CATSPER2: variants seen among roughly 807,000 people sequenced by gnomAD.
CATSPER2 encodes the protein cation channel sperm-associated protein 2.
In CATSPER2, 56 loss-of-function variants were observed where a neutral mutation model predicts 68.8. The observed-to-expected ratio is 0.81, with a 90% confidence interval of 0.66 to 1.02. The LOEUF is 1.02. Ranked by LOEUF, CATSPER2 falls within the 50% of genes least tolerant of loss-of-function variation. The probability of loss-of-function intolerance (pLI) is 0.00; values close to 1 mark genes in which losing one functional copy is unlikely to be tolerated. For synonymous variants in CATSPER2, 198 were observed against 229.9 expected (o/e 0.86, Z 1.26); for missense variants, 582 against 642.0 (o/e 0.91, Z 1.01).
At chr15:43,647,676 C>T (rs150472988) in intron 2 of CATSPER2, among the ~76,000 whole-genome samples, 58 of 152,030 alleles carry the variant, frequency 3.8e-4, no homozygotes, top group African/African-American at 1.2e-3. Context: ...AAGCAGCAGG[C>T]TCACTCTCAA....
rs1047098503 is a variant in CATSPER2 at position 43,638,955 on chromosome 15, G to A, written c.791C>T (p.Ser264Leu). ...CTGACGAGGTGAACGGGTGTACTCT[G>A]AGAAGACGTAGACACCAGTCACAGC... is the stretch of plus-strand genomic sequence containing the variant. ...IFAVTGVYVFSEYTRSPRQDL... is the reference protein window; with the variant it reads ...IFAVTGVYVFLEYTRSPRQDL... Residue 264 changes from serine to leucine, a missense_variant, in exon 7 of 13, where the codon TCA (serine) becomes TTA (leucine). Transcript: ENST00000396879. 1.2e-5 allele frequency: 19 copies of A among 1,613,206 alleles called. No individual in the cohort carries two copies. The highest frequency in any genetic ancestry group is 1.5e-5 in the Non-Finnish European group (18 of 1,179,534).
intron 7 of CATSPER2, among the ~76,000 whole-genome samples, chr15:43,638,637 G>A (rs564325149): frequency 6.6e-6 from 1 of 151,856 alleles, no homozygotes; most frequent in Admixed American, 6.6e-5. Context: ...CTTAACCACT[G>A]GAGTGTACTG....
At chr15:43,637,130 C>A (rs1263050621) in intron 7 of CATSPER2, among the ~76,000 whole-genome samples, 3 of 151,844 alleles carry the variant, frequency 2.0e-5, no homozygotes, top group African/African-American at 7.3e-5. Flanking sequence ...GCCATTTTTT[C>A]TAATTTTATT....
At chr15:43,644,227 A>G (rs970359286) in intron 4 of CATSPER2, among the ~76,000 whole-genome samples, 12 of 152,014 alleles carry the variant, frequency 7.9e-5, no homozygotes, top group African/African-American at 2.7e-4. Context: ...TTAAGCCTAA[A>G]AAAAGTCTTA....
At chr15:43,638,183 G>A (rs931666610) in intron 7 of CATSPER2, among the ~76,000 whole-genome samples, 3 of 148,886 alleles carry the variant, frequency 2.0e-5, no homozygotes, top group African/African-American at 7.5e-5. Context: ...TCGAACTCCT[G>A]ACTCAGGTGA....
rs58177751 is a variant in CATSPER2 at position 43,638,289 on chromosome 15, T to TC, written c.842+614_842+615insG. On this transcript the variant is annotated intron_variant, in intron 7 of 12. Coordinates refer to ENST00000396879, the MANE Select transcript of CATSPER2 (RefSeq NM_172095.4). ...TTTCTTTTCTTTTTCTTTCTTTCTT[T>TC]TTTTTTTTTTTTTTTTTTGAGATGG... is the stretch of plus-strand genomic sequence containing the variant. Among the ~76,000 whole-genome samples the TC allele has an allele frequency of 3.9e-3, 374 of 94,722 alleles. 18 individuals are homozygous for TC. In the East Asian group the frequency reaches 0.07, roughly 18 times the overall value. The allele number at this position is 94,722 out of a possible 152,430, so 62.1% of individuals were successfully genotyped here.
intron 4 of CATSPER2, among the ~76,000 whole-genome samples, chr15:43,646,234 T>C (rs905355274): frequency 2.0e-5 from 3 of 151,474 alleles, no homozygotes; most frequent in African/African-American, 7.3e-5. Context: ...CACCTAGTTT[T>C]ATGTGTCTAG....
At position 43,640,464 on chromosome 15, in the gene CATSPER2, G is replaced by GCCAT. The variant is rs1373892844; in HGVS notation, c.417_420dup (p.Pro141MetfsTer25). The GCCAT allele has an allele frequency of 6.2e-7, 1 of 1,613,222 alleles. No individual in the cohort carries two copies. The highest frequency in any genetic ancestry group is 8.5e-7 in the Non-Finnish European group (1 of 1,179,600). On this transcript the variant is annotated frameshift_variant, in exon 5 of 13. Coordinates refer to ENST00000396879, the MANE Select transcript of CATSPER2 (RefSeq NM_172095.4). LOFTEE classifies it high-confidence loss of function. ...GCCACCTCCAAGGTCAGCTTCAATG[G>GCCAT]CCATAGTTTGGTATTTGTGGATTCC...
Position 43,648,734 on chromosome 15 carries a change from G to T in CATSPER2, c.-108C>A. ...CCTATGCAAGACGAGCTCAGGGCCG[G>T]CTCCCAGCCTCACTGCGCCCCATTC... On this transcript the variant is annotated 5_prime_UTR_variant, in exon 1 of 13. Coordinates refer to ENST00000396879, the MANE Select transcript of CATSPER2 (RefSeq NM_172095.4). The T allele has an allele frequency of 2.6e-6, 4 of 1,517,648 alleles. No individual in the cohort carries two copies. In the South Asian group the frequency reaches 4.9e-5, roughly 18 times the overall value. 94.0% of individuals were successfully genotyped at this position (1,517,648 alleles called of 1,614,324 possible).
chr15:43,647,386 T>C lies in CATSPER2; in HGVS notation c.227A>G (p.Gln76Arg). The C allele has an allele frequency of 6.2e-7, 1 of 1,613,366 alleles. No homozygotes were observed. The highest frequency in any genetic ancestry group is 8.5e-7 in the Non-Finnish European group (1 of 1,179,468). Residue 76 changes from glutamine (Q) to arginine (R), a missense_variant, in exon 3 of 13, where the codon CAG (glutamine) becomes CGG (arginine). Transcript: ENST00000396879. ...CAACAGCCTCTGGGCATGTGAAATC[T>C]GTTCTATACGCTGAGGCTTTATAGA... is the stretch of plus-strand genomic sequence containing the variant. ...RFSIKPQRIE[Q>R]ISHAQRLLSR...
rs536781335 is a variant in CATSPER2 at position 43,635,411 on chromosome 15, T to C, written c.1127A>G (p.Lys376Arg). The C allele has an allele frequency of 3.1e-6, 5 of 1,609,556 alleles. No individual in the cohort carries two copies. The African/African-American group carries it at 6.7e-5, about 22-fold the overall frequency. Residue 376 changes from lysine to arginine, a missense_variant, in exon 10 of 13, where the codon AAA becomes AGA. Physicochemically the swap from Lys to Arg is conservative, Grantham distance 26 (BLOSUM62 2). Around this residue, in one of 5 missense-constraint regions of CATSPER2, gnomAD observed 235 missense variants for 264.2 expected, o/e 0.89. Coordinates refer to ENST00000396879, the MANE Select transcript of CATSPER2 (RefSeq NM_172095.4). ...CGTCAGTGCTTCATGTGACATGTTT[T>C]TTCTCCTGCAGAGCAAAAAAAAAAA... The part of the protein sequence containing the change: ...MFKRQIIQRR[K>R]NMSHEALTSS...
chr15:43,639,687 G>A lies in CATSPER2; in HGVS notation c.673C>T (p.Arg225Cys), dbSNP rs752528849. ...LRSLKLLAQF[R>C]QIQIIILVLV... Reference sequence around the variant, plus strand: ...ACCAAAATAATAATTTGAATTTGACGGAATTGTGCAAGGAGTTTGAGAGAC... The same window carrying A: ...ACCAAAATAATAATTTGAATTTGACAGAATTGTGCAAGGAGTTTGAGAGAC... Residue 225 changes from arginine to cysteine, a missense_variant, in exon 6 of 13, where the codon CGT becomes TGT. Physicochemically the swap from Arg to Cys is radical, Grantham distance 180. Transcript: ENST00000396879. 1.2e-5 allele frequency: 20 copies of A among 1,613,086 alleles called. No individual in the cohort carries two copies. The highest frequency in any genetic ancestry group is 9.9e-5 in the South Asian group (9 of 91,026).
chr15:43,637,901 T>G (rs1008418581), intron 7 of CATSPER2, among the ~76,000 whole-genome samples: 6 of 151,972 alleles, frequency 3.9e-5, no homozygotes, highest in Non-Finnish European at 8.8e-5. Flanking sequence ...ATTACCACAT[T>G]TAACCCCACA....
rs761351527 is a variant in CATSPER2, at chr15:43,648,053, A to G, written c.9T>C (p.Ala3=). 1 of 1,613,660 alleles carries G rather than the reference A, an allele frequency of 6.2e-7. No homozygotes were observed. Among genetic ancestry groups the G allele is most frequent in the Admixed American group, 1.7e-5 (1 of 59,994 alleles). Residue 3 remains alanine, a synonymous_variant, in exon 2 of 13, where the codon GCT becomes GCC. Transcript: ENST00000396879. The part of the protein sequence containing the change: MA[A]YQQEEQMQLP... The stretch of plus-strand genomic sequence containing the variant: ...GCTGCATCTGCTCTTCTTGTTGGTA[A>G]GCGGCCATGTCTGCTAAGAAAATGT...
chr15:43,642,366 G>A (rs1281476002), intron 4 of CATSPER2: 1 of 151,460 alleles, frequency 6.6e-6, no homozygotes, highest in Non-Finnish European at 1.5e-5. Flanking sequence ...CCAAAGTGAG[G>A]ATGCATTTTA....
At chr15:43,640,148 C>T in intron 5 of CATSPER2, 176 bp downstream of exon 5, 1 of 1,500,486 alleles carries the variant, frequency 6.7e-7, no homozygotes, top group Admixed American at 2.2e-5. Flanking sequence ...GTCTACTTTG[C>T]TCCTAATACC....
chr15:43,645,563 G>T (rs1177921332), intron 4 of CATSPER2, among the ~76,000 whole-genome samples: 1 of 151,716 alleles, frequency 6.6e-6, no homozygotes, highest in African/African-American at 2.4e-5. Flanking sequence ...AAGGCATGAG[G>T]ATCTTTTGAG....
intron 1 of CATSPER2, among the ~76,000 whole-genome samples, 153 bp downstream of exon 1, chr15:43,648,476 G>A (rs1289737370): frequency 2.0e-5 from 3 of 151,970 alleles, no homozygotes; most frequent in Admixed American, 2.0e-4. Flanking sequence ...GGAGGTCTTG[G>A]CCTGCTCACG....
chr15:43,630,397 C>T lies in CATSPER2; in HGVS notation c.*304G>A. 6 of 424,356 alleles carry T rather than the reference C, an allele frequency of 1.4e-5. 1 individual carries two copies. Among genetic ancestry groups the T allele is most frequent in the South Asian group, 1.3e-4 (6 of 46,918 alleles). 26.3% of individuals were successfully genotyped at this position (424,356 alleles called of 1,614,324 possible). On this transcript the variant is annotated 3_prime_UTR_variant, in exon 13 of 13. Coordinates refer to ENST00000396879, the MANE Select transcript of CATSPER2 (RefSeq NM_172095.4). Reference sequence around the variant, plus strand: ...TTATACAGAGTCTCACTCTGTTGCCCAGGCTGGAGTGCAGTGGTGCAATCT... The same window carrying T: ...TTATACAGAGTCTCACTCTGTTGCCTAGGCTGGAGTGCAGTGGTGCAATCT...
Sources: gnomAD v4.1 joint callset for allele counts (sites outside exome capture counted in the v4.1 genomes callset) on GRCh38, gnomAD v4.1.1 for gene constraint, gnomAD v4.1.1 regional missense constraint, MANE v1.5 for transcripts, NCBI Gene and HGNC (gene_info 2026-07-23, HGNC 2026-07-21) for gene names.